Variants in MAN1A1 observed in about 807,000 individuals in gnomAD.
MAN1A1 encodes mannosyl-oligosaccharide 1,2-alpha-mannosidase IA.
MAN1A1 carries 29 observed loss-of-function variants against 70.8 expected under a neutral mutation model. That is an observed-to-expected ratio of 0.41 (90% CI 0.31 to 0.56). The LOEUF (loss-of-function observed/expected upper bound fraction) is 0.56. Among genes scored for constraint, MAN1A1 ranks in the 20% least tolerant of loss-of-function variants. The pLI, the probability that MAN1A1 is intolerant of heterozygous loss-of-function variation, is 0.29. For missense variants in MAN1A1, 747 were observed against 841.3 expected, an observed-to-expected ratio of 0.89 and a Z score of 1.39; for synonymous variants, 349 against 330.1, an observed-to-expected ratio of 1.06 and a Z score of -0.62.
At chr6:119,345,549 T>C (rs1773705366) in intron 2 of MAN1A1, among the ~76,000 whole-genome samples, 1 of 152,240 alleles carries the variant, frequency 6.6e-6, no homozygotes, top group African/African-American at 2.4e-5. Context: ...TGAAGCATTC[T>C]GTACAATGAC....
intron 2 of MAN1A1, among the ~76,000 whole-genome samples, chr6:119,330,540 A>C (rs1475642329): frequency 6.6e-6 from 1 of 152,166 alleles, no homozygotes; most frequent in Non-Finnish European, 1.5e-5. Context: ...GAGCCTTCTA[A>C]CACATGTCCT....
At position 119,256,855 on chromosome 6, in the gene MAN1A1, G is replaced by T. The variant is rs932818010; in HGVS notation, c.898-8501C>A. 2.0e-5 allele frequency among the ~76,000 whole-genome samples: 3 copies of T among 152,140 alleles called. No homozygotes were observed. The East Asian group carries it at 5.8e-4, about 29-fold the overall frequency. On this transcript the variant is annotated intron_variant, in intron 5 of 12. Coordinates refer to ENST00000368468, the MANE Select transcript of MAN1A1 (RefSeq NM_005907.4). ...AAGCATTTACTACATATTTACCAAC[G>T]TGGTAAGGGCTATACGAGAGATACA...
intron 2 of MAN1A1, among the ~76,000 whole-genome samples, chr6:119,309,777 C>G (rs1241805897): frequency 6.6e-6 from 1 of 151,790 alleles, no homozygotes; most frequent in Non-Finnish European, 1.5e-5. Context: ...TAATTGCAAC[C>G]CATTATTTTA....
intron 5 of MAN1A1, among the ~76,000 whole-genome samples, chr6:119,288,708 C>T (rs1455369905): frequency 3.3e-5 from 5 of 151,478 alleles, no homozygotes; most frequent in Admixed American, 3.3e-4. Flanking sequence ...CAATATTATT[C>T]AAAATAAAAA....
At chr6:119,222,271 G>GT (rs1223898204) in intron 6 of MAN1A1, among the ~76,000 whole-genome samples, 2 of 138,048 alleles carry the variant, frequency 1.4e-5, no homozygotes, top group Non-Finnish European at 3.2e-5. Flanking sequence ...ACCCTGAAGT[G>GT]TTTTTTATTT....
intron 5 of MAN1A1, among the ~76,000 whole-genome samples, chr6:119,287,385 A>T (rs571801123): frequency 2.0e-5 from 3 of 152,126 alleles, no homozygotes; most frequent in Non-Finnish European, 2.9e-5. Flanking sequence ...ATAGTCACAT[A>T]AATTCTTTTC....
chr6:119,180,442 A>G lies in MAN1A1; in HGVS notation c.1720-15T>C, dbSNP rs757410384. ...TTTTCCAAGGCCTAAATTATAGAGG[A>G]GGAAAAAAAAAAGTCACATTTCAGT... On this transcript the variant is annotated splice_polypyrimidine_tract_variant and intron_variant, in intron 11 of 12. Transcript: ENST00000368468. 2 of 1,359,092 alleles carry G rather than the reference A, an allele frequency of 1.5e-6. No homozygotes were observed. Among genetic ancestry groups the G allele is most frequent in the Non-Finnish European group, 2.1e-6 (2 of 964,260 alleles). The allele number at this position is 1,359,092 out of a possible 1,614,324, so 84.2% of individuals were successfully genotyped here.
At chr6:119,260,132 A>G (rs1775567840) in intron 5 of MAN1A1, among the ~76,000 whole-genome samples, 1 of 152,204 alleles carries the variant, frequency 6.6e-6, no homozygotes, top group East Asian at 1.9e-4. Context: ...AAATATTTTA[A>G]GCTTTACTAG....
intron 5 of MAN1A1, among the ~76,000 whole-genome samples, chr6:119,258,511 C>T (rs1555684): frequency 0.85 from 129,773 of 152,146 alleles, 55,653 homozygotes; most frequent in Non-Finnish European, 0.9. Flanking sequence ...GGAGGATGTA[C>T]TCATGTTATA....
chr6:119,211,044 T>C (rs1774037084), intron 6 of MAN1A1: 1 of 331,676 alleles, frequency 3.0e-6, no homozygotes, highest in Non-Finnish European at 6.1e-6. Flanking sequence ...AGAAGCATAG[T>C]ATATTCCATC....
intron 5 of MAN1A1, among the ~76,000 whole-genome samples, chr6:119,280,153 C>T (rs1196863380): frequency 6.6e-6 from 1 of 152,226 alleles, no homozygotes; most frequent in Non-Finnish European, 1.5e-5. Flanking sequence ...GACAATCTTA[C>T]TCCTGTCCAT....
rs6932339 is a variant in MAN1A1 at position 119,345,200 on chromosome 6, C to G, written c.603+3263G>C. 3.5e-3 allele frequency among the ~76,000 whole-genome samples: 110 copies of G among 31,226 alleles called. 1 individual carries two copies. The highest frequency in any genetic ancestry group is 0.024 in the African/African-American group (102 of 4,266). 20.5% of individuals were successfully genotyped at this position (31,226 alleles called of 152,430 possible). ...AAAATGGGAGAGGTTGAGGGGGGGG[C>G]GGAGCGGGGGAGAAGGGAAGCTAAA... On this transcript the variant is annotated intron_variant, in intron 2 of 12. Transcript: ENST00000368468.
At chr6:119,280,601 A>T (rs937476326) in intron 5 of MAN1A1, among the ~76,000 whole-genome samples, 1 of 152,178 alleles carries the variant, frequency 6.6e-6, no homozygotes, top group Non-Finnish European at 1.5e-5. Flanking sequence ...TTAAATTTTA[A>T]ATTTCTTGCT....
intron 5 of MAN1A1, among the ~76,000 whole-genome samples, chr6:119,283,513 C>T (rs1212716509): frequency 4.0e-5 from 6 of 151,680 alleles, no homozygotes; most frequent in Non-Finnish European, 8.8e-5. Flanking sequence ...AAACAATGAA[C>T]TATAATAATA....
intron 5 of MAN1A1, among the ~76,000 whole-genome samples, chr6:119,275,277 ATTTTTTTTTTTTTTTTTTTTTTTTTTTT>A (rs869090504): frequency 6.6e-4 from 35 of 52,880 alleles, no homozygotes; most frequent in African/African-American, 1.5e-3. Context: ...TACCCAGCTA[ATTTTTTTTTTTTTTTTTTTTTTTTTTTT>A]TTTTTTTTTT....
At chr6:119,188,805 G>C (rs1054773100) in intron 10 of MAN1A1, among the ~76,000 whole-genome samples, 9 of 152,032 alleles carry the variant, frequency 5.9e-5, no homozygotes, top group Non-Finnish European at 1.2e-4. Context: ...AAATCACCTT[G>C]TTTACTTATA....
At chr6:119,244,858 T>C (rs1008729039) in intron 6 of MAN1A1, among the ~76,000 whole-genome samples, 6 of 152,130 alleles carry the variant, frequency 3.9e-5, no homozygotes, top group African/African-American at 1.4e-4. Context: ...AACATGTCTG[T>C]TATCTTCTTG....
intron 3 of MAN1A1, among the ~76,000 whole-genome samples, chr6:119,303,830 T>C (rs973476277): frequency 1.3e-5 from 2 of 152,276 alleles, no homozygotes; most frequent in African/African-American, 4.8e-5. Context: ...TGCCTCCCAG[T>C]CCAAGTCCCA....
At chr6:119,235,095 CTT>C (rs1333829888) in intron 6 of MAN1A1, among the ~76,000 whole-genome samples, 3 of 152,152 alleles carry the variant, frequency 2.0e-5, no homozygotes, top group African/African-American at 7.2e-5. Context: ...TCGCATTTCT[CTT>C]CCTCTCCTCA....
Sources: gnomAD v4.1 joint callset for allele counts (sites outside exome capture counted in the v4.1 genomes callset) on GRCh38, gnomAD v4.1.1 for gene constraint, MANE v1.5 for transcripts, NCBI Gene and HGNC (gene_info 2026-07-23, HGNC 2026-07-21) for gene names.